RNF6: variants seen among roughly 807,000 people sequenced by gnomAD.
The protein encoded by RNF6 is ring finger protein 6.
A neutral mutation model predicts 50.1 loss-of-function variants in RNF6; 21 were observed. The ratio of observed to expected loss-of-function variants is 0.42; its 90% CI spans 0.30 to 0.60. The LOEUF (loss-of-function observed/expected upper bound fraction) is 0.60, where lower values mean the gene tolerates loss of function less well. Ranked by LOEUF, RNF6 falls within the 20% of genes least tolerant of loss-of-function variation. RNF6 has a pLI of 0.20. For missense variants in RNF6, 698 were observed against 838.2 expected (o/e 0.83, Z 2.07); for synonymous variants, 255 against 291.8 (o/e 0.87, Z 1.29).
intron 5 of RNF6, among the ~76,000 whole-genome samples, chr13:26,162,182 T>C (rs915764862): frequency 1.3e-5 from 2 of 152,078 alleles, no homozygotes; most frequent in African/African-American, 2.4e-5. Flanking sequence ...ACACCTCCTC[T>C]ATCTGGCTTG....
In RNF6 at chr13:26,184,012, ATATATATTTTTTTTT is replaced by A. The variant is rs1198317846; in HGVS notation, n.768+31447_768+31461del. Reference sequence around the variant, plus strand: ...ATAAAATATATATATATATATATATATATATATTTTTTTTTTTTTTTTTTTTTTTTTTGAGACAGA... The same window carrying A: ...ATAAAATATATATATATATATATATATTTTTTTTTTTTTTTTTGAGACAGA... On this transcript the variant is annotated intron_variant and non_coding_transcript_variant, in intron 5 of 5. Transcript: ENST00000468480. Among the ~76,000 whole-genome samples, 181 of 30,552 alleles carry A rather than the reference ATATATATTTTTTTTT, an allele frequency of 5.9e-3. 1 individual carries two copies. The highest frequency in any genetic ancestry group is 0.015 in the Admixed American group (36 of 2,360). The allele number at this position is 30,552 out of a possible 152,430, so 20.0% of individuals were successfully genotyped here.
At chr13:26,216,355 A>G (rs1374354862) in intron 4 of RNF6, among the ~76,000 whole-genome samples, 1 of 152,248 alleles carries the variant, frequency 6.6e-6, no homozygotes, top group African/African-American at 2.4e-5. Context: ...ACATAATAAA[A>G]TACATTTTCT....
intron 5 of RNF6, among the ~76,000 whole-genome samples, chr13:26,180,785 C>A (rs940381998): frequency 2.6e-5 from 4 of 152,246 alleles, no homozygotes; most frequent in Non-Finnish European, 5.9e-5. Flanking sequence ...CTCCAAATAT[C>A]TGGGTGGCAG....
chr13:26,148,673 A>ATATATATATAT (rs1871394576), intron 5 of RNF6, among the ~76,000 whole-genome samples: 4 of 47,112 alleles, frequency 8.5e-5, no homozygotes, highest in African/African-American at 3.3e-4. Context: ...TATATATATG[A>ATATATATATAT]GGGAGATATA....
intron 5 of RNF6, among the ~76,000 whole-genome samples, chr13:26,199,451 C>T (rs1229066886): frequency 6.6e-6 from 1 of 152,068 alleles, no homozygotes; most frequent in Non-Finnish European, 1.5e-5. Flanking sequence ...TGAAGAAAGT[C>T]TTTGTGATTT....
downstream of RNF6, among the ~76,000 whole-genome samples, chr13:26,211,111 T>A (rs757298283): frequency 6.6e-6 from 1 of 152,252 alleles, no homozygotes; most frequent in Non-Finnish European, 1.5e-5. Flanking sequence ...AATAGATTAA[T>A]GGGCCTTTGT....
intron 5 of RNF6, among the ~76,000 whole-genome samples, chr13:26,160,096 A>G (rs958033889): frequency 1.3e-5 from 2 of 152,186 alleles, no homozygotes; most frequent in East Asian, 3.8e-4. Context: ...CCCTCTAGAA[A>G]AAAAAATTGC....
chr13:26,155,138 A>G (rs937750044), intron 5 of RNF6, among the ~76,000 whole-genome samples: 4 of 151,982 alleles, frequency 2.6e-5, no homozygotes, highest in Non-Finnish European at 5.9e-5. Flanking sequence ...TAGGTATTTT[A>G]TTATTAAAAG....
chr13:26,174,685 CTG>C (rs2137642391), intron 5 of RNF6, among the ~76,000 whole-genome samples: 1 of 152,232 alleles, frequency 6.6e-6, no homozygotes, highest in African/African-American at 2.4e-5. Context: ...GACTAGAAAA[CTG>C]TCTTTTAAGG....
At chr13:26,184,471 T>A (rs1266087677) in intron 5 of RNF6, among the ~76,000 whole-genome samples, 2 of 152,184 alleles carry the variant, frequency 1.3e-5, no homozygotes, top group African/African-American at 4.8e-5. Context: ...GCTCTAGAAG[T>A]CTCTAAGGCT....
At chr13:26,222,315 G>A (rs1051570637), upstream of RNF6, 1 of 152,330 alleles carries the variant, frequency 6.6e-6, no homozygotes, top group Non-Finnish European at 1.5e-5. Context: ...CCGTGCAACT[G>A]AAAACTGCGT....
intron 5 of RNF6, among the ~76,000 whole-genome samples, chr13:26,144,614 C>T (rs1168064100): frequency 6.6e-6 from 1 of 152,158 alleles, no homozygotes; most frequent in African/African-American, 2.4e-5. Context: ...TTCCAATGAC[C>T]ACTGTCCTTC....
intron 5 of RNF6, among the ~76,000 whole-genome samples, chr13:26,139,033 T>C (rs1870793529): frequency 6.6e-6 from 1 of 152,336 alleles, no homozygotes; most frequent in Non-Finnish European, 1.5e-5. Context: ...TTTAACTTTC[T>C]GTATCTTATA....
chr13:26,157,599 A>G (rs992477825), intron 5 of RNF6, among the ~76,000 whole-genome samples: 2 of 152,142 alleles, frequency 1.3e-5, no homozygotes, highest in Non-Finnish European at 2.9e-5. Flanking sequence ...TAAAAGGGGC[A>G]AAAAAAGCCA....
At chr13:26,201,901 G>A (rs1331378324) in intron 5 of RNF6, among the ~76,000 whole-genome samples, 2 of 152,162 alleles carry the variant, frequency 1.3e-5, no homozygotes, top group African/African-American at 4.8e-5. Flanking sequence ...CAGTGTCCCA[G>A]CTGTGGATCT....
intron 5 of RNF6, among the ~76,000 whole-genome samples, chr13:26,165,875 C>A (rs2419897): frequency 0.81 from 122,822 of 152,112 alleles, 49,638 homozygotes; most frequent in Middle Eastern, 0.82. Flanking sequence ...TCAGATGAGA[C>A]TTTGGACTGT....
chr13:26,168,694 G>A (rs1324911477), intron 5 of RNF6, among the ~76,000 whole-genome samples: 3 of 152,216 alleles, frequency 2.0e-5, no homozygotes, highest in African/African-American at 7.2e-5. Flanking sequence ...AGAAGGCACA[G>A]AGCATTACAC....
At chr13:26,148,673 A>ATATAT (rs1871394576) in intron 5 of RNF6, among the ~76,000 whole-genome samples, 1 of 47,112 alleles carries the variant, frequency 2.1e-5, no homozygotes, top group Non-Finnish European at 4.4e-5. Flanking sequence ...TATATATATG[A>ATATAT]GGGAGATATA....
intron 5 of RNF6, among the ~76,000 whole-genome samples, chr13:26,157,642 GA>G (rs1168866446): frequency 6.6e-6 from 1 of 152,130 alleles, no homozygotes; most frequent in Admixed American, 6.6e-5. Context: ...TCAAAGAAGT[GA>G]AAACAAACAG....
Sources: allele counts gnomAD v4.1 joint callset (sites outside exome capture counted in the v4.1 genomes callset), GRCh38; gene constraint gnomAD v4.1.1; transcripts MANE v1.5; gene names NCBI Gene and HGNC (gene_info 2026-07-23, HGNC 2026-07-21).